The following FAM135A variants were observed in gnomAD, a reference collection of about 807,000 sequenced individuals.
FAM135A encodes the protein family with sequence similarity 135 member A, also known as protein FAM135A.
In FAM135A, 79 loss-of-function variants were observed where a neutral mutation model predicts 146.8. The ratio of observed to expected loss-of-function variants is 0.54; its 90% CI spans 0.45 to 0.65. The LOEUF is 0.65. FAM135A is among the 30% of genes least tolerant of loss of function. The probability of loss-of-function intolerance (pLI) is 0.00; values close to 1 mark genes in which losing one functional copy is unlikely to be tolerated. For synonymous variants in FAM135A, 562 were observed against 603.6 expected, an observed-to-expected ratio of 0.93 and a Z score of 1.01; for missense variants, 1,623 against 1,758.2, an observed-to-expected ratio of 0.92 and a Z score of 1.38.
chr6:70,517,049 C>CT (rs1792434989), intron 12 of FAM135A, among the ~76,000 whole-genome samples: 1 of 152,078 alleles, frequency 6.6e-6, no homozygotes, highest in Non-Finnish European at 1.5e-5. Flanking sequence ...CTGTGAATGT[C>CT]TATTTTCTAA....
chr6:70,445,362 T>G (rs61219347), intron 4 of FAM135A, among the ~76,000 whole-genome samples: 3,840 of 88,960 alleles, frequency 0.043, 169 homozygotes, highest in African/African-American at 0.24. Context: ...GTTTCTGCCG[T>G]CTTGGTCAGG....
In FAM135A at chr6:70,428,426, A is replaced by C; in HGVS notation, c.77+7A>C. The C allele has an allele frequency of 6.3e-7, 1 of 1,579,426 alleles. No homozygotes were observed. Among genetic ancestry groups the C allele is most frequent in the Non-Finnish European group, 8.6e-7 (1 of 1,160,734 alleles). ...TGGATTTGTTTCAGAGAGGGTATGT[A>C]TTTTATTGTGAAAATGATATATTTT... On this transcript the variant is annotated splice_region_variant and intron_variant, in intron 4 of 21. Coordinates refer to ENST00000418814, the MANE Select transcript of FAM135A (RefSeq NM_001162529.3).
At chr6:70,497,021 A>G (rs1437995547) in intron 11 of FAM135A, among the ~76,000 whole-genome samples, 2 of 152,110 alleles carry the variant, frequency 1.3e-5, no homozygotes, top group African/African-American at 2.4e-5. Context: ...AATTTAAAGT[A>G]GTTTTTTCTA....
chr6:70,519,405 A>G lies in FAM135A; in HGVS notation c.1030-3108A>G, dbSNP rs1362038074. 7.2e-5 allele frequency among the ~76,000 whole-genome samples: 11 copies of G among 152,220 alleles called. No homozygotes were observed. The East Asian group carries it at 2.1e-3, about 29-fold the overall frequency. On this transcript the variant is annotated intron_variant, in intron 12 of 21. Transcript: ENST00000418814. ...TAACAAAAGATTTGGAATATTACAT[A>G]AACTTAGTTGAAAAAGCAGTGGCGA...
At chr6:70,417,483 G>T in intron 2 of FAM135A, 1 of 478,786 alleles carries the variant, frequency 2.1e-6, no homozygotes, top group Non-Finnish European at 2.7e-6. Context: ...AAAGTGCTGG[G>T]ATTACAGGCA....
Position 70,526,434 on chromosome 6 carries a change from C to T in FAM135A, c.3350C>T (p.Thr1117Ile), listed in dbSNP as rs769963368. The change falls in exon 15 of 22, where the codon ACA (threonine) becomes ATA (isoleucine). Residue 1117 changes from threonine to isoleucine, a missense_variant. This residue lies in a region of FAM135A where 1,061 missense variants were observed against 1,113.8 expected (regional missense o/e 0.95). Coordinates refer to ENST00000418814, the MANE Select transcript of FAM135A (RefSeq NM_001162529.3). The stretch of plus-strand genomic sequence containing the variant: ...GATGGAACAATAAATGCTCACTATA[C>T]AAGCAGAGATGAACTAATGGAAGAA... ...ALDGTINAHY[T>I]SRDELMEERL... The T allele has an allele frequency of 1.2e-6, 2 of 1,613,442 alleles. No homozygotes were observed. Among genetic ancestry groups the T allele is most frequent in the Admixed American group, 1.7e-5 (1 of 59,956 alleles).
At chr6:70,485,462 A>G (rs1391527064) in intron 10 of FAM135A, among the ~76,000 whole-genome samples, 1 of 152,142 alleles carries the variant, frequency 6.6e-6, no homozygotes, top group African/African-American at 2.4e-5. Context: ...TTTTATTTTT[A>G]TTCTAGCAAA....
chr6:70,431,894 A>G (rs922170709), intron 4 of FAM135A, among the ~76,000 whole-genome samples: 1 of 152,036 alleles, frequency 6.6e-6, no homozygotes, highest in Non-Finnish European at 1.5e-5. Flanking sequence ...CCTCTGACCT[A>G]TATATAAAAT....
chr6:70,480,929 T>A lies in FAM135A; in HGVS notation c.571T>A (p.Leu191Ile). The change falls in exon 9 of 22, where the codon TTA becomes ATA. Residue 191 changes from leucine to isoleucine, a missense_variant. By Grantham distance (5) the Leu-to-Ile change is conservative. This residue lies in a region of FAM135A where 206 missense variants were observed against 194.7 expected (regional missense o/e 1.06). Coordinates refer to ENST00000418814, the MANE Select transcript of FAM135A (RefSeq NM_001162529.3). ...SFPRPVKTTW[L>I]NRNAPAQNKD... ...TCCTCGCCCTGTGAAGACAACTTGG[T>A]TAAATAGAAATGCACCAGCACAAAA... The A allele has an allele frequency of 6.2e-7, 1 of 1,612,194 alleles. No homozygotes were observed. Among genetic ancestry groups the A allele is most frequent in the Non-Finnish European group, 8.5e-7 (1 of 1,179,160 alleles).
At chr6:70,455,996 C>T (rs1396072865) in intron 5 of FAM135A, among the ~76,000 whole-genome samples, 1 of 152,068 alleles carries the variant, frequency 6.6e-6, no homozygotes, top group African/African-American at 2.4e-5. Flanking sequence ...GGACTACAGG[C>T]GTGCATCACC....
chr6:70,475,823 C>T, intron 7 of FAM135A, 90 bp downstream of exon 7: 8 of 992,228 alleles, frequency 8.1e-6, no homozygotes, highest in Non-Finnish European at 1.2e-5. Context: ...AAAATTCATC[C>T]TATCCCTATC....
At position 70,428,365 on chromosome 6, in the gene FAM135A, T is replaced by C; in HGVS notation, c.23T>C (p.Val8Ala). 6.2e-7 allele frequency: 1 copy of C among 1,603,052 alleles called. No homozygotes were observed. Among genetic ancestry groups the C allele is most frequent in the East Asian group, 2.3e-5 (1 of 44,280 alleles). The change falls in exon 4 of 22, where the codon GTA (valine) becomes GCA (alanine). Residue 8 changes from valine to alanine, a missense_variant. By Grantham distance (64) the Val-to-Ala change is moderately conservative (BLOSUM62 0). Coordinates refer to ENST00000418814, the MANE Select transcript of FAM135A (RefSeq NM_001162529.3). ...AAAATGACTGAAGTTCAAGCAATGG[T>C]AGAATTCTCTGTGGAGCTAAACAAG... Reference protein sequence around the residue: MTEVQAMVEFSVELNKFY... With the variant: MTEVQAMAEFSVELNKFY...
intron 20 of FAM135A, among the ~76,000 whole-genome samples, chr6:70,538,892 A>G (rs567187592): frequency 7.6e-6 from 1 of 131,214 alleles, no homozygotes; most frequent in East Asian, 2.0e-4. Context: ...AGTGTCAGAA[A>G]CTAAACTATT....
chr6:70,495,099 A>G (rs572752443), intron 11 of FAM135A, among the ~76,000 whole-genome samples: 8 of 152,266 alleles, frequency 5.3e-5, no homozygotes, highest in African/African-American at 1.9e-4. Flanking sequence ...TTATAAAACC[A>G]TCTCTTGGGA....
At position 70,524,899 on chromosome 6, in the gene FAM135A, C is replaced by A. The variant is rs941146272; in HGVS notation, c.1815C>A (p.Asn605Lys). Reference protein sequence around the residue: ...PDQFDPLNSGNLNLCANLSIS... With the variant: ...PDQFDPLNSGKLNLCANLSIS... ...AGTTTGATCCTTTGAACTCTGGCAACCTAAATCTTTGTGCAAATTTGTCCA... is the reference window on the plus strand; with the variant it reads ...AGTTTGATCCTTTGAACTCTGGCAAACTAAATCTTTGTGCAAATTTGTCCA... Residue 605 changes from asparagine to lysine, a missense_variant, in exon 15 of 22, where the codon AAC (asparagine) becomes AAA (lysine). Asn to Lys is a moderately conservative substitution (Grantham distance 94). This residue lies in a region of FAM135A where 1,061 missense variants were observed against 1,113.8 expected (regional missense o/e 0.95). Coordinates refer to ENST00000418814, the MANE Select transcript of FAM135A (RefSeq NM_001162529.3). 2 of 1,612,732 alleles carry A rather than the reference C, an allele frequency of 1.2e-6. No homozygotes were observed. Among genetic ancestry groups the A allele is most frequent in the African/African-American group, 1.3e-5 (1 of 74,842 alleles).
intron 9 of FAM135A, 149 bp from the exon 10 acceptor site, chr6:70,481,852 A>T (rs1056080616): frequency 9.5e-6 from 7 of 737,174 alleles, no homozygotes; most frequent in Non-Finnish European, 1.4e-5. Context: ...TATTGTATAA[A>T]CAACTCTCAA....
At chr6:70,473,122 T>C (rs185657875) in intron 5 of FAM135A, among the ~76,000 whole-genome samples, 24 of 152,362 alleles carry the variant, frequency 1.6e-4, no homozygotes, top group African/African-American at 5.8e-4. Flanking sequence ...TTTATTTTGA[T>C]GTTCACTTTG....
chr6:70,417,610 C>G, intron 2 of FAM135A: 1 of 985,126 alleles, frequency 1.0e-6, no homozygotes, highest in Non-Finnish European at 1.2e-6. Flanking sequence ...ATTGAAATAC[C>G]CTTGAAGTTG....
intron 4 of FAM135A, among the ~76,000 whole-genome samples, chr6:70,439,834 A>G (rs1582112601): frequency 6.6e-6 from 1 of 152,208 alleles, no homozygotes; most frequent in Non-Finnish European, 1.5e-5. Flanking sequence ...TAGTAAGCAC[A>G]CACCTATCAC....
Sources: gnomAD v4.1 joint callset for allele counts (sites outside exome capture counted in the v4.1 genomes callset) on GRCh38, gnomAD v4.1.1 for gene constraint, gnomAD v4.1.1 regional missense constraint, MANE v1.5 for transcripts, NCBI Gene and HGNC (gene_info 2026-07-23, HGNC 2026-07-21) for gene names.